ADCY10: variants seen among roughly 807,000 people sequenced by gnomAD.
The protein encoded by ADCY10 is adenylate cyclase 10, also known as adenylate cyclase type 10.
A neutral mutation model predicts 183.3 loss-of-function variants in ADCY10; 156 were observed. That is an observed-to-expected ratio of 0.85 (90% confidence interval 0.75 to 0.97). The LOEUF (loss-of-function observed/expected upper bound fraction) is 0.97, where lower values mean the gene tolerates loss of function less well. Ranked by LOEUF, ADCY10 falls within the 50% of genes least tolerant of loss-of-function variation. ADCY10 has a pLI of 0.00. For synonymous variants in ADCY10, 645 were observed against 670.0 expected (o/e 0.96, Z 0.58); for missense variants, 1,745 against 1,934.3 (o/e 0.90, Z 1.84).
At chr1:167,835,926 C>T (rs1268245906) in intron 23 of ADCY10, among the ~76,000 whole-genome samples, 1 of 152,036 alleles carries the variant, frequency 6.6e-6, no homozygotes, top group East Asian at 1.9e-4. Flanking sequence ...TATCCAAAGA[C>T]CTACAGGTAT....
intron 18 of ADCY10, among the ~76,000 whole-genome samples, chr1:167,853,829 A>ATTTTTTTTTTTTT (rs1665676991): frequency 1.1e-5 from 1 of 92,348 alleles, no homozygotes; most frequent in Non-Finnish European, 2.1e-5. Context: ...TACTATAGTT[A>ATTTTTTTTTTTTT]CTTTTTTTTT....
At position 167,859,896 on chromosome 1, in the gene ADCY10, G is replaced by A. The variant is rs759429951; in HGVS notation, c.1810-3C>T. On this transcript the variant is annotated splice_polypyrimidine_tract_variant and splice_region_variant and intron_variant, in intron 15 of 32. Coordinates refer to ENST00000367851, the MANE Select transcript of ADCY10 (RefSeq NM_018417.6). ...GAAATCTCCCGAGAAATAGGGAACTGTACAAAGAATTATGAGAATATTGAG... is the reference window on the plus strand; with the variant it reads ...GAAATCTCCCGAGAAATAGGGAACTATACAAAGAATTATGAGAATATTGAG... 10 of 1,603,712 alleles carry A rather than the reference G, an allele frequency of 6.2e-6. No individual in the cohort carries two copies. The highest frequency in any genetic ancestry group is 1.3e-5 in the African/African-American group (1 of 74,678).
chr1:167,850,173 T>G (rs1197148434), intron 18 of ADCY10, among the ~76,000 whole-genome samples: 1 of 151,942 alleles, frequency 6.6e-6, no homozygotes, highest in Non-Finnish European at 1.5e-5. Context: ...AACAATGGAA[T>G]GTCAAGAAGT....
intron 14 of ADCY10, among the ~76,000 whole-genome samples, chr1:167,869,814 G>A (rs999646856): frequency 6.6e-6 from 1 of 151,818 alleles, no homozygotes; most frequent in Admixed American, 6.6e-5. Flanking sequence ...ATTTTGAGAC[G>A]CTAGCCTGCC....
At chr1:167,859,720 T>C (rs1427314999) in intron 16 of ADCY10, 87 bp downstream of exon 16, 2 of 949,614 alleles carry the variant, frequency 2.1e-6, no homozygotes, top group South Asian at 1.3e-5. Context: ...CTCTTGCCAA[T>C]GTGGTCTGAA....
In ADCY10 at chr1:167,850,697, G is replaced by GTGTGTGTGTGTGTGTGTA. The variant is rs1553267959; in HGVS notation, c.2309-2209_2309-2208insTACACACACACACACACA. Among the ~76,000 whole-genome samples, 610 of 142,332 alleles carry GTGTGTGTGTGTGTGTGTA rather than the reference G, an allele frequency of 4.3e-3. 9 individuals carry two copies. The highest frequency in any genetic ancestry group is 0.016 in the African/African-American group (569 of 36,642). The allele number at this position is 142,332 out of a possible 152,430, so 93.4% of individuals were successfully genotyped here. On this transcript the variant is annotated intron_variant, in intron 18 of 32. Transcript: ENST00000367851. Reference sequence around the variant, plus strand: ...TGTGTGTGTGTGTGTGTGTGTGTGTGTGTGTGTGTGTTGGGAGTAGGAGAG... The same window carrying GTGTGTGTGTGTGTGTGTA: ...TGTGTGTGTGTGTGTGTGTGTGTGTGTGTGTGTGTGTGTGTGTATGTGTGTGTGTTGGGAGTAGGAGAG...
At chr1:167,878,145 G>A (rs1667607559) in intron 12 of ADCY10, among the ~76,000 whole-genome samples, 1 of 152,146 alleles carries the variant, frequency 6.6e-6, no homozygotes, top group Non-Finnish European at 1.5e-5. Context: ...GTTGGTGATT[G>A]GGCCCATTTG....
rs191862057 is a variant in ADCY10, at chr1:167,887,334, G to A, written c.829-3706C>T. 4.5e-3 allele frequency among the ~76,000 whole-genome samples: 689 copies of A among 152,248 alleles called. 10 individuals carry two copies. The highest frequency in any genetic ancestry group is 0.016 in the African/African-American group (654 of 41,512). On this transcript the variant is annotated intron_variant, in intron 8 of 32. Coordinates refer to ENST00000367851, the MANE Select transcript of ADCY10 (RefSeq NM_018417.6). ...GTGGTAGACTGGATTAAGAAAATGT[G>A]GCATGTATACACAGTGGAATATTAT...
intron 29 of ADCY10, 45 bp downstream of exon 29, chr1:167,822,963 G>T: frequency 6.5e-7 from 1 of 1,535,464 alleles, no homozygotes; most frequent in Non-Finnish European, 9.0e-7. Flanking sequence ...ACCAGCACAG[G>T]TATCAACACC....
rs373517695 is a variant in ADCY10 at position 167,880,607 on chromosome 1, G to A, written c.1023C>T (p.Gly341=). The change falls in exon 10 of 33, where the codon GGC becomes GGT. Residue 341 remains glycine, a splice_region_variant and synonymous_variant. Transcript: ENST00000367851. ...AGCCAAAGACACAGAGGAAAGAGCA[G>A]CCCTGTGAGGGAGAGAGACAGCAAC... ...QINKVFMFDK[G]CSFLCVFGFP... 5.0e-6 allele frequency: 8 copies of A among 1,608,066 alleles called. No homozygotes were observed. In the African/African-American group the frequency reaches 1.1e-4, roughly 21 times the overall value.
Position 167,853,830 on chromosome 1 carries a change from C to CTTTTTTTTTTTTTTTTTTTTTTTTTTTT in ADCY10, c.2308+522_2308+523insAAAAAAAAAAAAAAAAAAAAAAAAAAAA, listed in dbSNP as rs538462140. Among the ~76,000 whole-genome samples the CTTTTTTTTTTTTTTTTTTTTTTTTTTTT allele has an allele frequency of 3.2e-4, 25 of 77,190 alleles. 2 individuals carry two copies. Among genetic ancestry groups the CTTTTTTTTTTTTTTTTTTTTTTTTTTTT allele is most frequent in the Non-Finnish European group, 3.8e-4 (16 of 42,142 alleles). 50.6% of individuals were successfully genotyped at this position (77,190 alleles called of 152,430 possible). ...TGTTCTTTCATTTCTACTATAGTTA[C>CTTTTTTTTTTTTTTTTTTTTTTTTTTTT]TTTTTTTTTTTTTTTTTTTTTTTTT... On this transcript the variant is annotated intron_variant, in intron 18 of 32. Transcript: ENST00000367851.
intron 1 of ADCY10, among the ~76,000 whole-genome samples, chr1:167,912,965 A>G (rs192869701): frequency 1.3e-5 from 2 of 152,308 alleles, no homozygotes; most frequent in Admixed American, 6.5e-5. Flanking sequence ...TGTTTCTACT[A>G]TATCATGCTA....
chr1:167,835,198 G>T (rs1056882092), intron 23 of ADCY10, among the ~76,000 whole-genome samples: 1 of 152,186 alleles, frequency 6.6e-6, no homozygotes, highest in African/African-American at 2.4e-5. Context: ...TTCATGGAAG[G>T]TTAGCCCAGC....
chr1:167,898,897 G>A (rs1237029136), intron 6 of ADCY10, among the ~76,000 whole-genome samples: 2 of 152,040 alleles, frequency 1.3e-5, no homozygotes, highest in African/African-American at 4.8e-5. Flanking sequence ...CCATATCCCA[G>A]GGACAGTTCT....
chr1:167,912,459 A>T lies in ADCY10; in HGVS notation c.-59+1517T>A, dbSNP rs1325248440. 4.6e-4 allele frequency among the ~76,000 whole-genome samples: 70 copies of T among 152,228 alleles called. 2 individuals carry two copies. Among genetic ancestry groups the T allele is most frequent in the Admixed American group, 4.6e-3 (70 of 15,282 alleles). On this transcript the variant is annotated intron_variant, in intron 1 of 32. Coordinates refer to ENST00000367851, the MANE Select transcript of ADCY10 (RefSeq NM_018417.6). ...GAACATCATGGCACCCTGCATTTGC[A>T]TATTAAAAGGCTAGGGTGAGAGGGC...
At chr1:167,875,711 GA>G (rs1390047009) in intron 12 of ADCY10, among the ~76,000 whole-genome samples, 2 of 152,204 alleles carry the variant, frequency 1.3e-5, no homozygotes, top group Non-Finnish European at 2.9e-5. Context: ...AGCCCTTTGG[GA>G]GGCCGAGGTG....
At chr1:167,863,399 G>A (rs1666432021) in intron 14 of ADCY10, among the ~76,000 whole-genome samples, 1 of 152,090 alleles carries the variant, frequency 6.6e-6, no homozygotes, top group African/African-American at 2.4e-5. Context: ...AATCGATCAC[G>A]ACCCTCTCAT....
At chr1:167,901,897 T>C in intron 4 of ADCY10, 92 bp from the exon 5 acceptor site, 2 of 1,609,966 alleles carry the variant, frequency 1.2e-6, no homozygotes, top group East Asian at 2.2e-5. Context: ...TCATCAAGCA[T>C]TCCTCAGCCT....
chr1:167,854,596 A>G, intron 17 of ADCY10, 107 bp from the exon 18 acceptor site: 1 of 1,408,612 alleles, frequency 7.1e-7, no homozygotes, highest in Non-Finnish European at 1.0e-6. Context: ...GTCATTCTTC[A>G]TTTGTTTCTG....
Sources: allele counts gnomAD v4.1 joint callset (sites outside exome capture counted in the v4.1 genomes callset), GRCh38; gene constraint gnomAD v4.1.1; transcripts MANE v1.5; gene names NCBI Gene and HGNC (gene_info 2026-07-23, HGNC 2026-07-21).